Variants in SPATA17 observed in about 807,000 individuals in gnomAD.
SPATA17 encodes the protein spermatogenesis-associated protein 17.
SPATA17 carries 53 observed loss-of-function variants against 62.2 expected under a neutral mutation model. The observed-to-expected ratio is 0.85, with a 90% CI of 0.68 to 1.07. SPATA17 has a LOEUF of 1.07. Among genes scored for constraint, SPATA17 ranks in the 50% least tolerant of loss-of-function variants. The probability of loss-of-function intolerance (pLI) is 0.00; values close to 1 mark genes in which losing one functional copy is unlikely to be tolerated. For synonymous variants in SPATA17, 146 were observed against 146.8 expected (o/e 0.99, Z 0.04); for missense variants, 466 against 425.5 (o/e 1.10, Z -0.84).
At chr1:217,838,968 T>G (rs1675327085) in intron 9 of SPATA17, among the ~76,000 whole-genome samples, 1 of 152,020 alleles carries the variant, frequency 6.6e-6, no homozygotes, top group Admixed American at 6.6e-5. Flanking sequence ...TAACCAAGCC[T>G]CTCAGTATTT....
chr1:217,650,396 TTCTC>T (rs549971243), intron 2 of SPATA17, among the ~76,000 whole-genome samples: 4 of 150,364 alleles, frequency 2.7e-5, no homozygotes, highest in African/African-American at 7.5e-5. Context: ...CATGAATTCT[TTCTC>T]TCTCTCTCTT....
At chr1:217,752,643 A>G (rs886548808) in intron 6 of SPATA17, among the ~76,000 whole-genome samples, 1 of 152,206 alleles carries the variant, frequency 6.6e-6, no homozygotes, top group Non-Finnish European at 1.5e-5. Flanking sequence ...TTTTGAAAGG[A>G]GAGTCTTCCA....
chr1:217,775,868 A>T (rs1673579276), intron 7 of SPATA17, among the ~76,000 whole-genome samples: 1 of 152,134 alleles, frequency 6.6e-6, no homozygotes, highest in South Asian at 2.1e-4. Context: ...CTTCTTTGGC[A>T]TTAAATCTTG....
Position 217,648,950 on chromosome 1 carries a change from G to A in SPATA17, c.137G>A (p.Cys46Tyr). The A allele has an allele frequency of 6.2e-7, 1 of 1,610,238 alleles. No individual in the cohort carries two copies. The highest frequency in any genetic ancestry group is 8.5e-7 in the Non-Finnish European group (1 of 1,178,330). Residue 46 changes from cysteine (C) to tyrosine (Y), a missense_variant, in exon 2 of 11, where the codon TGT (cysteine) becomes TAT (tyrosine). By Grantham distance (194) the Cys-to-Tyr change is radical. Transcript: ENST00000366933. The stretch of plus-strand genomic sequence containing the variant: ...AAAATCCAAAGCTGGTTTCGAGGAT[G>A]TCAAGTTCGGGCATATATCAGGTAT... ...AVKIQSWFRG[C>Y]QVRAYIRHLN...
At chr1:217,864,760 C>A (rs1022324696) in intron 10 of SPATA17, among the ~76,000 whole-genome samples, 1 of 152,048 alleles carries the variant, frequency 6.6e-6, no homozygotes, top group East Asian at 1.9e-4. Context: ...TTGCTCTACT[C>A]TATCAATTAC....
At chr1:217,667,239 G>T (rs1036551572) in intron 3 of SPATA17, among the ~76,000 whole-genome samples, 2 of 151,636 alleles carry the variant, frequency 1.3e-5, no homozygotes, top group African/African-American at 2.4e-5. Context: ...AGTAGAGACG[G>T]GGTTTCACCA....
At chr1:217,866,837 T>C (rs1676023345) in intron 10 of SPATA17, 185 bp from the exon 11 acceptor site, 1 of 151,022 alleles carries the variant, frequency 6.6e-6, no homozygotes, top group Non-Finnish European at 1.5e-5. Context: ...GTTTCTGAAG[T>C]TCCTTTTTTT....
At chr1:217,826,896 C>A (rs1675013323) in intron 9 of SPATA17, among the ~76,000 whole-genome samples, 1 of 151,912 alleles carries the variant, frequency 6.6e-6, no homozygotes, top group Non-Finnish European at 1.5e-5. Flanking sequence ...ATTTTACTTC[C>A]CTTACAGTGT....
intron 6 of SPATA17, among the ~76,000 whole-genome samples, chr1:217,770,978 A>AATGTTTTTT (rs1553251071): frequency 2.0e-5 from 1 of 50,148 alleles, no homozygotes; most frequent in Non-Finnish European, 3.3e-5. Flanking sequence ...AACTCATTGC[A>AATGTTTTTT]TTTTTTTTTT....
chr1:217,763,485 T>C (rs950575811), intron 6 of SPATA17, among the ~76,000 whole-genome samples: 6 of 152,032 alleles, frequency 3.9e-5, no homozygotes, highest in Non-Finnish European at 8.8e-5. Flanking sequence ...TGCTGTGTAG[T>C]GAGGGATGAG....
chr1:217,801,993 T>C, intron 9 of SPATA17, 143 bp downstream of exon 9: 1 of 890,392 alleles, frequency 1.1e-6, no homozygotes, highest in South Asian at 2.1e-5. Flanking sequence ...GTAAAGATGG[T>C]GCTGCTGACC....
intron 4 of SPATA17, among the ~76,000 whole-genome samples, chr1:217,675,693 T>C (rs923624850): frequency 1.3e-5 from 2 of 152,200 alleles, no homozygotes; most frequent in African/African-American, 2.4e-5. Flanking sequence ...TTTAAATATT[T>C]TAACTTTTCT....
chr1:217,731,008 T>C (rs1049331640), intron 5 of SPATA17, among the ~76,000 whole-genome samples: 1 of 152,116 alleles, frequency 6.6e-6, no homozygotes, highest in African/African-American at 2.4e-5. Context: ...TATTTTGGCC[T>C]TCATCTTATT....
In SPATA17 at chr1:217,851,020, T is replaced by A. The variant is rs140403805; in HGVS notation, c.1006-11754T>A. Among the ~76,000 whole-genome samples the A allele has an allele frequency of 1.7e-3, 255 of 152,318 alleles. 3 individuals are homozygous for A. The highest frequency in any genetic ancestry group is 5.7e-3 in the African/African-American group (239 of 41,578). On this transcript the variant is annotated intron_variant, in intron 9 of 10. Transcript: ENST00000366933. ...AGTAGCATTTTTACTTGAGACTTAA[T>A]GTTTGGGTAGGATTTGCACCTACTA...
At chr1:217,667,875 T>G (rs1398772499) in intron 3 of SPATA17, among the ~76,000 whole-genome samples, 1 of 152,236 alleles carries the variant, frequency 6.6e-6, no homozygotes, top group Non-Finnish European at 1.5e-5. Context: ...GAAATGTTGT[T>G]GTGTTCATTT....
At chr1:217,829,627 CAAAAAA>C (rs397982930) in intron 9 of SPATA17, among the ~76,000 whole-genome samples, 15 of 46,754 alleles carry the variant, frequency 3.2e-4, no homozygotes, top group South Asian at 1.4e-3. Flanking sequence ...GACTCCATCT[CAAAAAA>C]AAAAAAAAAA....
At chr1:217,781,399 A>C (rs1407347239) in intron 7 of SPATA17, 2 of 152,198 alleles carry the variant, frequency 1.3e-5, no homozygotes. Flanking sequence ...AATTAATGGC[A>C]CAGCAAAATC....
intron 7 of SPATA17, among the ~76,000 whole-genome samples, chr1:217,778,068 C>T (rs931580215): frequency 7.2e-5 from 11 of 152,072 alleles, no homozygotes; most frequent in Admixed American, 7.2e-4. Flanking sequence ...TTTGCATCAA[C>T]AAGCAATTAA....
intron 6 of SPATA17, among the ~76,000 whole-genome samples, chr1:217,762,296 A>T (rs1006688262): frequency 1.3e-5 from 2 of 152,118 alleles, no homozygotes; most frequent in African/African-American, 4.8e-5. Flanking sequence ...ACAACAATAC[A>T]CTGGGCCTCT....
Sources: gnomAD v4.1 joint callset for allele counts (sites outside exome capture counted in the v4.1 genomes callset) on GRCh38, gnomAD v4.1.1 for gene constraint, MANE v1.5 for transcripts, NCBI Gene and HGNC (gene_info 2026-07-23, HGNC 2026-07-21) for gene names.